The following SLC9A3 variants were observed in gnomAD, a reference collection of about 807,000 sequenced individuals.
The protein encoded by SLC9A3 is solute carrier family 9 member A3, also known as sodium/hydrogen exchanger 3.
SLC9A3 carries 37 observed loss-of-function variants against 86.8 expected under a neutral mutation model. That is an observed-to-expected ratio of 0.43 (90% CI 0.33 to 0.56). SLC9A3 has a LOEUF of 0.56. Ranked by LOEUF, SLC9A3 falls within the 20% of genes least tolerant of loss-of-function variation. The probability of loss-of-function intolerance (pLI) is 0.06; values close to 1 mark genes in which losing one functional copy is unlikely to be tolerated. For missense variants in SLC9A3, 1,011 were observed against 1,171.9 expected (o/e 0.86, Z 2.00); for synonymous variants, 581 against 528.3 (o/e 1.10, Z -1.37).
intron 14 of SLC9A3, 100 bp from the exon 15 acceptor site, chr5:475,771 A>G (rs759594433): frequency 1.6e-5 from 12 of 756,396 alleles, no homozygotes; most frequent in Non-Finnish European, 2.7e-5. Context: ...AGGTGCAGGC[A>G]GTCGGGACCC....
chr5:474,564 G>A (rs1177880050), intron 16 of SLC9A3, among the ~76,000 whole-genome samples: 1 of 45,306 alleles, frequency 2.2e-5, no homozygotes, highest in African/African-American at 1.5e-4. Flanking sequence ...AGACCTGGAG[G>A]GAGAGGAGCT....
At chr5:488,558 G>A (rs1421781878) in intron 2 of SLC9A3, 82 bp from the exon 3 acceptor site, 2 of 1,384,464 alleles carry the variant, frequency 1.4e-6, no homozygotes, top group Admixed American at 5.8e-5. Context: ...TCGCCTACGG[G>A]TCGGGGTTCG....
intron 1 of SLC9A3, among the ~76,000 whole-genome samples, chr5:515,526 G>A (rs1370335121): frequency 1.3e-5 from 2 of 152,072 alleles, no homozygotes; most frequent in African/African-American, 2.4e-5. Context: ...GCTCAGGCTT[G>A]TAAGGGCACT....
intron 1 of SLC9A3, among the ~76,000 whole-genome samples, chr5:520,361 T>C (rs1733850174): frequency 1.3e-5 from 2 of 152,180 alleles, no homozygotes; most frequent in African/African-American, 2.4e-5. Flanking sequence ...CTGTCGCTCA[T>C]GTGTGGCTCA....
Position 472,540 on chromosome 5 carries a change from G to T in SLC9A3, c.*839C>A. On this transcript the variant is annotated 3_prime_UTR_variant, in exon 17 of 17. Coordinates refer to ENST00000264938, the MANE Select transcript of SLC9A3 (RefSeq NM_004174.4). Reference sequence around the variant, plus strand: ...TCAGGCCGGAGACCTCGTCTGTGGGGACGGGCCGTGTCCGGGGCCGCCACC... The same window carrying T: ...TCAGGCCGGAGACCTCGTCTGTGGGTACGGGCCGTGTCCGGGGCCGCCACC... 2.9e-6 allele frequency: 1 copy of T among 345,026 alleles called. No homozygotes were observed. Among genetic ancestry groups the T allele is most frequent in the Non-Finnish European group, 5.7e-6 (1 of 174,044 alleles). 21.4% of individuals were successfully genotyped at this position (345,026 alleles called of 1,614,324 possible). A position where few individuals can be genotyped will look rare whatever the true frequency, so the allele number is the denominator to read the frequency against.
At position 522,030 on chromosome 5, in the gene SLC9A3, C is replaced by T. The variant is rs141822960; in HGVS notation, c.211+2082G>A. Among the ~76,000 whole-genome samples, 731 of 152,248 alleles carry T rather than the reference C, an allele frequency of 4.8e-3. 9 individuals are homozygous for T. Among genetic ancestry groups the T allele is most frequent in the African/African-American group, 0.016 (660 of 41,556 alleles). ...CAGAGTGCACAGTGGGTTGAGGGGA[C>T]GACAGGGAGCGTAAAGGGCAGGTCT... is the stretch of plus-strand genomic sequence containing the variant. On this transcript the variant is annotated intron_variant, in intron 1 of 16. Coordinates refer to ENST00000264938, the MANE Select transcript of SLC9A3 (RefSeq NM_004174.4).
chr5:476,679 G>C lies in SLC9A3; in HGVS notation c.1761-7C>G, dbSNP rs1381284026. The C allele has an allele frequency of 2.5e-6, 4 of 1,601,660 alleles. No homozygotes were observed. The highest frequency in any genetic ancestry group is 3.4e-6 in the Non-Finnish European group (4 of 1,179,760). On this transcript the variant is annotated splice_region_variant and splice_polypyrimidine_tract_variant and intron_variant, in intron 11 of 16. Transcript: ENST00000264938. ...AGCGCTGACATTTTCTCTCCTGCGT[G>C]GGGACCAGCGCTGAGCCATACAGGC...
In SLC9A3 at chr5:497,848, G is replaced by A. The variant is rs1465379636; in HGVS notation, c.212-5777C>T. 3.7e-4 allele frequency among the ~76,000 whole-genome samples: 38 copies of A among 102,076 alleles called. No individual in the cohort carries two copies. Among genetic ancestry groups the A allele is most frequent in the Non-Finnish European group, 7.1e-4 (35 of 49,510 alleles). The allele number at this position is 102,076 out of a possible 152,430, so 67.0% of individuals were successfully genotyped here. On this transcript the variant is annotated intron_variant, in intron 1 of 16. Coordinates refer to ENST00000264938, the MANE Select transcript of SLC9A3 (RefSeq NM_004174.4). This position sits in a 1 kb window ranked among gnomAD's most constrained non-coding sequence, Gnocchi z 5.4. The stretch of plus-strand genomic sequence containing the variant: ...CATCCCCAGCCTCTGCCCCTGTCCC[G>A]GGTGGGGTCGCCCGGCCGCATCCCC...
intron 1 of SLC9A3, among the ~76,000 whole-genome samples, chr5:522,720 C>G (rs1415480400): frequency 9.5e-6 from 1 of 105,104 alleles, no homozygotes; most frequent in Non-Finnish European, 1.9e-5. Flanking sequence ...GCCTGGGCAA[C>G]AAGAGCAAAA....
chr5:507,508 TC>T (rs569922796), intron 1 of SLC9A3, among the ~76,000 whole-genome samples: 32 of 151,874 alleles, frequency 2.1e-4, no homozygotes, highest in Admixed American at 7.9e-4. Context: ...CATGTGATCC[TC>T]CAGCCGCGGC....
At position 524,215 on chromosome 5, in the gene SLC9A3, G is replaced by A. The variant is rs770173357; in HGVS notation, c.108C>T (p.His36=). 23 of 1,519,988 alleles carry A rather than the reference G, an allele frequency of 1.5e-5. No homozygotes were observed. The highest frequency in any genetic ancestry group is 3.5e-4 in the Middle Eastern group (2 of 5,740). The allele number at this position is 1,519,988 out of a possible 1,614,324, so 94.2% of individuals were successfully genotyped here. A position where few individuals can be genotyped will look rare whatever the true frequency, so the allele number is the denominator to read the frequency against. The change falls in exon 1 of 17, where the codon CAC becomes CAT. Residue 36 remains histidine, a synonymous_variant. Transcript: ENST00000264938. ...CCACCTGGAAGCCCCCGCTCTCGCC[G>A]TGCGCGCCGCCGGGCTCCACCTCGA... The part of the protein sequence containing the change: ...GGVEVEPGGA[H]GESGGFQVVT...
intron 1 of SLC9A3, among the ~76,000 whole-genome samples, chr5:508,582 G>A (rs1388339613): frequency 6.7e-6 from 1 of 148,158 alleles, no homozygotes; most frequent in Non-Finnish European, 1.5e-5. Flanking sequence ...CGCGCCCGGG[G>A]ATGGAGATGC....
In SLC9A3 at chr5:476,331, CTCG is replaced by C. The variant is rs1156819231; in HGVS notation, c.1935_1937del (p.Asp645del). On this transcript the variant is annotated inframe_deletion, in exon 13 of 17. Transcript: ENST00000264938. ...TGTGGAAGATTTCCCGGTCCTGTTT[CTCG>C]TCCTCCGTGGGCGTGAGCTCGTGTC... 4 of 1,613,968 alleles carry C rather than the reference CTCG, an allele frequency of 2.5e-6. No homozygotes were observed. In the East Asian group the frequency reaches 8.9e-5, roughly 36 times the overall value.
chr5:507,155 G>A (rs904934816), intron 1 of SLC9A3, among the ~76,000 whole-genome samples: 2 of 93,908 alleles, frequency 2.1e-5, no homozygotes, highest in Admixed American at 1.2e-4. Flanking sequence ...GGAGGGATCC[G>A]GCTGCTGCTT....
rs1017305696 is a variant in SLC9A3, at chr5:480,022, G to C, written c.1518-57C>G. 3.2e-6 allele frequency: 5 copies of C among 1,580,522 alleles called. No homozygotes were observed. The Admixed American group carries it at 8.6e-5, about 27-fold the overall frequency. The stretch of plus-strand genomic sequence containing the variant: ...GGTGACAGGCGCCCTAGAGCCCGCC[G>C]GACGCGTGGCCCGGCCCCTTCTCTC... On this transcript the variant is annotated intron_variant, in intron 9 of 16. Transcript: ENST00000264938.
chr5:476,762 C>T (rs1738769739), intron 11 of SLC9A3, 90 bp from the exon 12 acceptor site: 2 of 1,508,166 alleles, frequency 1.3e-6, no homozygotes, highest in Non-Finnish European at 1.8e-6. Context: ...GCATCTGGCC[C>T]TGGCTGCCTC....
At chr5:512,833 C>A (rs1733597703) in intron 1 of SLC9A3, among the ~76,000 whole-genome samples, 1 of 152,166 alleles carries the variant, frequency 6.6e-6, no homozygotes, top group African/African-American at 2.4e-5. Flanking sequence ...CAGGCTGCGG[C>A]ACCCCTGGAG....
At chr5:495,348 C>A (rs998274129) in intron 1 of SLC9A3, among the ~76,000 whole-genome samples, 2 of 151,416 alleles carry the variant, frequency 1.3e-5, no homozygotes, top group African/African-American at 4.9e-5. Flanking sequence ...AAAACAACAA[C>A]GCAACTCTGT....
intron 1 of SLC9A3, among the ~76,000 whole-genome samples, chr5:514,589 G>A (rs780591154): frequency 5.3e-5 from 8 of 152,222 alleles, no homozygotes; most frequent in Non-Finnish European, 1.0e-4. Flanking sequence ...CATGAGGGCC[G>A]GGTTCTAAGG....
Sources: allele counts gnomAD v4.1 joint callset (sites outside exome capture counted in the v4.1 genomes callset), GRCh38; gene constraint gnomAD v4.1.1; non-coding constraint Gnocchi (gnomAD v3.1); transcripts MANE v1.5; gene names NCBI Gene and HGNC (gene_info 2026-07-23, HGNC 2026-07-21).